Variants in APC observed in about 807,000 individuals in gnomAD.
APC encodes APC regulator of Wnt signaling pathway.
Under a neutral mutation model 247.0 loss-of-function variants are expected in APC, and 72 were observed. That is an observed-to-expected ratio of 0.29 (90% confidence interval 0.24 to 0.35). The LOEUF is 0.35. APC is among the 10% of genes least tolerant of loss of function. The pLI is 1.00. For missense variants in APC, 3,400 were observed against 3,360.7 expected (o/e 1.01, Z -0.29); for synonymous variants, 1,254 against 1,162.5 (o/e 1.08, Z -1.60).
At chr5:112,807,050 T>C (rs1251235575) in intron 8 of APC, among the ~76,000 whole-genome samples, 1 of 151,910 alleles carries the variant, frequency 6.6e-6, no homozygotes, top group Non-Finnish European at 1.5e-5. Context: ...GGAAAATCTC[T>C]TGAACCTAGG....
intron 15 of APC, among the ~76,000 whole-genome samples, chr5:112,836,009 CTTTTTTTTTTTTT>C (rs371484714): frequency 1.9e-5 from 2 of 106,332 alleles, no homozygotes; most frequent in African/African-American, 4.2e-5. Context: ...ATACAACTGT[CTTTTTTTTTTTTT>C]TTTTTTTTTT....
chr5:112,709,802 G>A (rs528167588), intron 1 of APC, among the ~76,000 whole-genome samples: 1 of 152,280 alleles, frequency 6.6e-6, no homozygotes, highest in Admixed American at 6.5e-5. Context: ...CTACTTGGGA[G>A]GCTGAGGCAG....
rs539810998 is a variant in APC, at chr5:112,723,971, AAAAG to A, written c.165+16091_165+16094del. On this transcript the variant is annotated intron_variant, in intron 1 of 13. Transcript: ENST00000507379. ...AAATGAGAACAAAATTCAGATGAAA[AAAAG>A]AGCAGAGTTTCAGGAAGTCAGAGGA... Among the ~76,000 whole-genome samples, 327 of 152,298 alleles carry A rather than the reference AAAAG, an allele frequency of 2.1e-3. 2 individuals carry two copies. Among genetic ancestry groups the A allele is most frequent in the African/African-American group, 7.6e-3 (314 of 41,546 alleles).
intron 1 of APC, among the ~76,000 whole-genome samples, chr5:112,742,492 A>G (rs1413100718): frequency 2.0e-5 from 3 of 152,250 alleles, no homozygotes; most frequent in Non-Finnish European, 4.4e-5. Context: ...AGTAGCAGTC[A>G]CGATGTCAGT....
rs193150824 is a variant in APC, at chr5:112,789,160, A to C, written c.646-3286A>C. On this transcript the variant is annotated intron_variant, in intron 6 of 15. Transcript: ENST00000257430. ...ATCACTTTTTTCTAAAGTCATATCA[A>C]GTCCATACTCCTGAACAGTTTGTTA... is the stretch of plus-strand genomic sequence containing the variant. Among the ~76,000 whole-genome samples, 156 of 152,356 alleles carry C rather than the reference A, an allele frequency of 1.0e-3. 2 individuals carry two copies. The highest frequency in any genetic ancestry group is 1.7e-3 in the Non-Finnish European group (117 of 68,036).
chr5:112,783,266 TCTTA>T (rs1758550673), intron 6 of APC, among the ~76,000 whole-genome samples: 2 of 152,230 alleles, frequency 1.3e-5, no homozygotes, highest in South Asian at 2.1e-4. Flanking sequence ...ATACTGTCAT[TCTTA>T]CTTTATTCTG....
rs76547596 is a variant in APC at position 112,768,513 on chromosome 5, C to CT, written c.422+1140dup. Among the ~76,000 whole-genome samples, 322 of 129,924 alleles carry CT rather than the reference C, an allele frequency of 2.5e-3. 2 individuals carry two copies. Among genetic ancestry groups the CT allele is most frequent in the East Asian group, 0.016 (72 of 4,484 alleles). The allele number at this position is 129,924 out of a possible 152,430, so 85.2% of individuals were successfully genotyped here. On this transcript the variant is annotated intron_variant, in intron 4 of 15. Transcript: ENST00000257430. ...ACAAGTGGCCACAAATGAAATACTT[C>CT]TTTTTTTTTTTTTTTTTACTTTATA...
intron 1 of APC, among the ~76,000 whole-genome samples, chr5:112,720,570 T>C (rs1733284112): frequency 1.3e-5 from 2 of 152,360 alleles, no homozygotes; most frequent in South Asian, 4.1e-4. Flanking sequence ...GTGACTTGAC[T>C]TGCCTAAAAA....
intron 5 of APC, 72 bp from the exon 6 acceptor site, chr5:112,780,718 A>G: frequency 9.5e-6 from 10 of 1,050,562 alleles, no homozygotes; most frequent in Non-Finnish European, 1.5e-5. Context: ...ATTGGTTCTT[A>G]TATGCTTTTT....
Position 112,707,683 on chromosome 5 carries a change from G to A in APC, c.-35G>A, listed in dbSNP as rs1199369770. The A allele has an allele frequency of 7.3e-7, 1 of 1,370,394 alleles. No homozygotes were observed. The highest frequency in any genetic ancestry group is 9.6e-7 in the Non-Finnish European group (1 of 1,038,674). 84.9% of individuals were successfully genotyped at this position (1,370,394 alleles called of 1,614,324 possible). ...GTTGGCTGTTGGTGAGGAAGGTGAA[G>A]CACTCAGTTGCCTTCTCGGGCCTCG... On this transcript the variant is annotated 5_prime_UTR_variant, in exon 1 of 14. Transcript: ENST00000507379.
intron 1 of APC, among the ~76,000 whole-genome samples, chr5:112,722,240 G>A (rs1013078324): frequency 6.6e-5 from 10 of 152,232 alleles, no homozygotes; most frequent in South Asian, 4.1e-4. Flanking sequence ...TCGGTTTTGT[G>A]AGTTACATAA....
intron 1 of APC, among the ~76,000 whole-genome samples, chr5:112,746,558 A>G (rs17286957): frequency 0.015 from 2,307 of 152,304 alleles, 29 homozygotes; most frequent in Non-Finnish European, 0.023. Context: ...TCAACATTCA[A>G]AAATCTTATA....
chr5:112,834,238 C>CTTTCTTT (rs1764619607), intron 14 of APC, among the ~76,000 whole-genome samples: 3 of 126,594 alleles, frequency 2.4e-5, no homozygotes, highest in Non-Finnish European at 1.6e-5. Context: ...CACGTTGCGC[C>CTTTCTTT]TTTTTTTTTT....
upstream of APC, chr5:112,737,740 T>G (rs1406083328): frequency 1.5e-5 from 11 of 714,240 alleles, no homozygotes; most frequent in Non-Finnish European, 1.9e-5. Flanking sequence ...GGAGTGCGGG[T>G]CGGGAAGCGG....
intron 1 of APC, among the ~76,000 whole-genome samples, chr5:112,718,288 T>A (rs1352143749): frequency 1.3e-5 from 2 of 152,172 alleles, no homozygotes; most frequent in Non-Finnish European, 1.5e-5. Flanking sequence ...AAGATGAAGT[T>A]AATCTTTCTC....
intron 5 of APC, among the ~76,000 whole-genome samples, chr5:112,780,189 G>A (rs1193582745): frequency 6.6e-6 from 1 of 151,946 alleles, no homozygotes; most frequent in East Asian, 1.9e-4. Flanking sequence ...ACCTCTTTTT[G>A]TTTCAACTTT....
chr5:112,833,956 A>T (rs951100468), intron 14 of APC, among the ~76,000 whole-genome samples: 1 of 151,708 alleles, frequency 6.6e-6, no homozygotes, highest in Non-Finnish European at 1.5e-5. Context: ...TTAAAAATCT[A>T]CTTTCTTTTT....
intron 15 of APC, 52 bp from the exon 16 acceptor site, chr5:112,837,501 T>C: frequency 7.5e-7 from 1 of 1,326,576 alleles, no homozygotes; most frequent in Non-Finnish European, 1.1e-6. Flanking sequence ...TATTTGTTGT[T>C]ACTGCATACA....
At chr5:112,778,457 A>G (rs1226485606) in intron 5 of APC, 2 of 150,794 alleles carry the variant, frequency 1.3e-5, no homozygotes, top group East Asian at 1.9e-4. Flanking sequence ...TTGATGAAGT[A>G]TTCTATATTT....
Sources: allele counts gnomAD v4.1 joint callset (sites outside exome capture counted in the v4.1 genomes callset), GRCh38; gene constraint gnomAD v4.1.1; transcripts MANE v1.5; gene names NCBI Gene and HGNC (gene_info 2026-07-23, HGNC 2026-07-21).